The following PLPP1 variants were observed in gnomAD, a reference collection of about 807,000 sequenced individuals.
PLPP1 encodes lipid phosphate phosphohydrolase 1a.
In PLPP1, 24 loss-of-function variants were observed where a neutral mutation model predicts 31.2. The observed-to-expected ratio is 0.77, with a 90% CI of 0.56 to 1.08. PLPP1 has a LOEUF of 1.08. PLPP1 is among the 50% of genes least tolerant of loss of function. PLPP1 has a pLI of 0.00. For synonymous variants in PLPP1, 146 were observed against 126.3 expected, an observed-to-expected ratio of 1.16 and a Z score of -1.05; for missense variants, 319 against 342.7, an observed-to-expected ratio of 0.93 and a Z score of 0.55.
chr5:55,521,609 C>T (rs1041468443), intron 1 of PLPP1, among the ~76,000 whole-genome samples: 2 of 152,162 alleles, frequency 1.3e-5, no homozygotes, highest in African/African-American at 2.4e-5. Context: ...AGGATGGAGA[C>T]CTTGTCTCAC....
intron 1 of PLPP1, among the ~76,000 whole-genome samples, chr5:55,516,135 C>G (rs1753551037): frequency 1.3e-5 from 2 of 152,166 alleles, no homozygotes; most frequent in South Asian, 4.1e-4. Context: ...CTCTCCTACC[C>G]TACACCTTCA....
chr5:55,441,449 C>T (rs924263314), intron 4 of PLPP1, among the ~76,000 whole-genome samples: 3 of 152,182 alleles, frequency 2.0e-5, no homozygotes, highest in Non-Finnish European at 4.4e-5. Flanking sequence ...GGAACAAGGA[C>T]AGCTGCCTTC....
In PLPP1 at chr5:55,441,915, G is replaced by A. The variant is rs1357044392; in HGVS notation, c.492-7C>T. 6.2e-7 allele frequency: 1 copy of A among 1,612,124 alleles called. No homozygotes were observed. The highest frequency in any genetic ancestry group is 8.5e-7 in the Non-Finnish European group (1 of 1,178,296). ...GCCTGAATAGAAGGACAACCTGGAA[G>A]AAAAAGAAGACAAATGTTACTTTTC... On this transcript the variant is annotated splice_region_variant and splice_polypyrimidine_tract_variant and intron_variant, in intron 3 of 5. Transcript: ENST00000307259.
intron 1 of PLPP1, among the ~76,000 whole-genome samples, chr5:55,482,584 G>A (rs1752694431): frequency 6.6e-6 from 1 of 152,150 alleles, no homozygotes; most frequent in African/African-American, 2.4e-5. Context: ...ATGTCCCCAT[G>A]AAAACAAGGG....
chr5:55,504,061 G>A (rs1753208552), intron 1 of PLPP1, among the ~76,000 whole-genome samples: 1 of 151,894 alleles, frequency 6.6e-6, no homozygotes, highest in Non-Finnish European at 1.5e-5. Context: ...CTGAGATCAG[G>A]CAATTTTGTT....
chr5:55,436,119 C>G (rs1209289606), intron 4 of PLPP1, among the ~76,000 whole-genome samples: 1 of 152,040 alleles, frequency 6.6e-6, no homozygotes, highest in Non-Finnish European at 1.5e-5. Flanking sequence ...CATCACATTG[C>G]TCAAAATAAC....
chr5:55,424,890 T>TAAATC lies in PLPP1; in HGVS notation c.*311_*315dup. 1.4e-6 allele frequency: 1 copy of TAAATC among 704,244 alleles called. No individual in the cohort carries two copies. The highest frequency in any genetic ancestry group is 2.4e-6 in the Non-Finnish European group (1 of 414,584). 43.6% of individuals were successfully genotyped at this position (704,244 alleles called of 1,614,324 possible). On this transcript the variant is annotated 3_prime_UTR_variant, in exon 6 of 6. Transcript: ENST00000307259. ...CATACATTTTAATATGTATTATATT[T>TAAATC]AAATCAAACATCATTCATAGAAAGC...
At chr5:55,430,062 A>G (rs1258155151) in intron 4 of PLPP1, among the ~76,000 whole-genome samples, 2 of 152,046 alleles carry the variant, frequency 1.3e-5, no homozygotes, top group African/African-American at 4.8e-5. Flanking sequence ...GGAAGGGACC[A>G]TCCAACCTGC....
intron 4 of PLPP1, among the ~76,000 whole-genome samples, chr5:55,427,202 A>G (rs1403249538): frequency 1.3e-5 from 2 of 152,204 alleles, no homozygotes; most frequent in Admixed American, 1.3e-4. Flanking sequence ...AATTAAATGC[A>G]GTCCTTAGAA....
chr5:55,473,265 G>A (rs181046962), intron 2 of PLPP1, among the ~76,000 whole-genome samples: 45 of 152,160 alleles, frequency 3.0e-4, no homozygotes, highest in East Asian at 9.6e-4. Flanking sequence ...AAACTTCCCC[G>A]TACTTTGGGA....
intron 3 of PLPP1, among the ~76,000 whole-genome samples, chr5:55,467,410 G>A (rs914999571): frequency 2.0e-5 from 3 of 152,048 alleles, no homozygotes; most frequent in Non-Finnish European, 2.9e-5. Flanking sequence ...TATTGGCTGG[G>A]TGTGGTGGCT....
chr5:55,520,940 A>G (rs115391401), intron 1 of PLPP1, among the ~76,000 whole-genome samples: 2,113 of 152,308 alleles, frequency 0.014, 47 homozygotes, highest in African/African-American at 0.048. Flanking sequence ...GGCCCAGTAC[A>G]ATGGCTCACA....
In PLPP1 at chr5:55,441,881, C is replaced by T. The variant is rs1290305905; in HGVS notation, c.519G>A (p.Ser173=). ...GRLSFYSGHS[S]FSMYCMLFVA... The stretch of plus-strand genomic sequence containing the variant: ...CAAACAGCATGCAGTACATGGAAAA[C>T]GAAGAGTGGCCTGAATAGAAGGACA... The change falls in exon 4 of 6, where the codon TCG becomes TCA. Residue 173 remains serine, a synonymous_variant. Transcript: ENST00000307259. The T allele has an allele frequency of 1.2e-5, 19 of 1,613,822 alleles. No homozygotes were observed. Among genetic ancestry groups the T allele is most frequent in the Middle Eastern group, 1.6e-4 (1 of 6,084 alleles).
At chr5:55,426,085 C>A in intron 4 of PLPP1, 46 bp from the exon 5 acceptor site, 1 of 1,474,040 alleles carries the variant, frequency 6.8e-7, no homozygotes, top group Non-Finnish European at 9.1e-7. Context: ...TAACATAACG[C>A]AAAACTTTTA....
Position 55,425,016 on chromosome 5 carries a change from G to C in PLPP1, c.*190C>G. 1 of 809,002 alleles carries C rather than the reference G, an allele frequency of 1.2e-6. No homozygotes were observed. The highest frequency in any genetic ancestry group is 1.9e-5 in the South Asian group (1 of 52,790). 50.1% of individuals were successfully genotyped at this position (809,002 alleles called of 1,614,324 possible). On this transcript the variant is annotated 3_prime_UTR_variant, in exon 6 of 6. Transcript: ENST00000307259. ...GGAAGGCTTGGAGTTTTTTTAATGA[G>C]TTTAGAGCTATTAGATAACCACTGA...
chr5:55,524,898 T>G (rs567301552), intron 1 of PLPP1, among the ~76,000 whole-genome samples: 1 of 152,306 alleles, frequency 6.6e-6, no homozygotes, highest in Admixed American at 6.5e-5. Context: ...AAAAGGTGAC[T>G]AGAGTGTAGC....
chr5:55,486,248 C>G, intron 1 of PLPP1, among the ~76,000 whole-genome samples: 1 of 152,102 alleles, frequency 6.6e-6, no homozygotes, highest in Admixed American at 6.5e-5. Context: ...GCCCTTTCCC[C>G]ATTTTTCTTT....
At chr5:55,435,907 G>A (rs533403795) in intron 4 of PLPP1, among the ~76,000 whole-genome samples, 5 of 151,604 alleles carry the variant, frequency 3.3e-5, no homozygotes, top group East Asian at 3.9e-4. Context: ...CCAGCTACTT[G>A]GGAGGCTGAG....
intron 1 of PLPP1, among the ~76,000 whole-genome samples, chr5:55,503,438 T>C (rs1405386956): frequency 6.6e-6 from 1 of 152,058 alleles, no homozygotes; most frequent in Non-Finnish European, 1.5e-5. Flanking sequence ...AATAAATTAC[T>C]TCCTTTTAAG....
Sources: gnomAD v4.1 joint callset for allele counts (sites outside exome capture counted in the v4.1 genomes callset) on GRCh38, gnomAD v4.1.1 for gene constraint, MANE v1.5 for transcripts, NCBI Gene and HGNC (gene_info 2026-07-23, HGNC 2026-07-21) for gene names.